Variants in FOXO3 observed in about 807,000 individuals in gnomAD.
FOXO3 encodes forkhead box protein O3.
In FOXO3, 4 loss-of-function variants were observed where a neutral mutation model predicts 41.9. The observed-to-expected ratio is 0.10, with a 90% confidence interval of 0.05 to 0.22. The LOEUF is 0.22. Among genes scored for constraint, FOXO3 ranks in the 10% least tolerant of loss-of-function variants. The probability of loss-of-function intolerance (pLI) is 1.00; values close to 1 mark genes in which losing one functional copy is unlikely to be tolerated. For synonymous variants in FOXO3, 318 were observed against 389.3 expected (o/e 0.82, Z 2.16); for missense variants, 534 against 906.8 (o/e 0.59, Z 5.28).
intron 1 of FOXO3, among the ~76,000 whole-genome samples, chr6:108,653,744 A>G (rs1778610082): frequency 6.6e-6 from 1 of 152,208 alleles, no homozygotes; most frequent in Admixed American, 6.5e-5. Context: ...TTCGATTTCC[A>G]CACACAGTAA....
At chr6:108,673,599 G>A (rs1770443660) in intron 2 of FOXO3, among the ~76,000 whole-genome samples, 1 of 152,208 alleles carries the variant, frequency 6.6e-6, no homozygotes, top group South Asian at 2.1e-4. Context: ...TCAGAATCCT[G>A]TGTATCTAAA....
At chr6:108,657,992 G>A (rs921627943) in intron 1 of FOXO3, among the ~76,000 whole-genome samples, 20 of 152,186 alleles carry the variant, frequency 1.3e-4, no homozygotes, top group Admixed American at 1.3e-3. Flanking sequence ...CTCTGGGCCT[G>A]GGGGAGTTGG....
At chr6:108,637,950 C>T (rs780469187) in intron 1 of FOXO3, among the ~76,000 whole-genome samples, 21 of 151,828 alleles carry the variant, frequency 1.4e-4, no homozygotes, top group Non-Finnish European at 2.8e-4. Flanking sequence ...ATCAGTAGAA[C>T]AGGAAAGAAA....
At chr6:108,636,206 G>A (rs1246932754) in intron 1 of FOXO3, among the ~76,000 whole-genome samples, 1 of 152,226 alleles carries the variant, frequency 6.6e-6, no homozygotes, top group East Asian at 1.9e-4. Context: ...CCAGGTCCCA[G>A]TCTGTGTGTT....
chr6:108,631,330 C>G (rs1446706825), intron 1 of FOXO3, among the ~76,000 whole-genome samples: 1 of 152,140 alleles, frequency 6.6e-6, no homozygotes, highest in Non-Finnish European at 1.5e-5. Flanking sequence ...GGTCTGTGTT[C>G]TGGATGATTT....
At chr6:108,655,339 C>T (rs1444329355) in intron 1 of FOXO3, among the ~76,000 whole-genome samples, 2 of 152,120 alleles carry the variant, frequency 1.3e-5, no homozygotes, top group African/African-American at 4.8e-5. Context: ...CAGCTTTAAT[C>T]TCTCATCCCA....
At chr6:108,560,657 G>A (rs1043870697), upstream of FOXO3, among the ~76,000 whole-genome samples, 6 of 152,092 alleles carry the variant, frequency 3.9e-5, no homozygotes, top group African/African-American at 7.2e-5. Context: ...CGCCGCGGGA[G>A]GCACTAGAGC....
intron 1 of FOXO3, among the ~76,000 whole-genome samples, chr6:108,629,462 G>A (rs554708203): frequency 6.6e-6 from 1 of 152,200 alleles, no homozygotes; most frequent in African/African-American, 2.4e-5. Flanking sequence ...TCAGTTTAGC[G>A]GGAGGTTTTT....
intron 1 of FOXO3, among the ~76,000 whole-genome samples, chr6:108,597,043 A>G (rs1776905735): frequency 6.6e-6 from 1 of 152,212 alleles, no homozygotes; most frequent in African/African-American, 2.4e-5. Context: ...AGAAAATCCC[A>G]AAGGACTGGA....
chr6:108,639,895 TTC>T (rs1778212750), intron 1 of FOXO3, among the ~76,000 whole-genome samples: 2 of 152,090 alleles, frequency 1.3e-5, no homozygotes, highest in Admixed American at 1.3e-4. Flanking sequence ...TACTGTGAGG[TTC>T]AGAAAGAACA....
At chr6:108,589,253 T>A (rs968054782) in intron 1 of FOXO3, among the ~76,000 whole-genome samples, 2 of 152,224 alleles carry the variant, frequency 1.3e-5, no homozygotes, top group Non-Finnish European at 2.9e-5. Context: ...GCCTTTATAA[T>A]TTTTCCTGGG....
chr6:108,578,846 A>C (rs1776332619), intron 1 of FOXO3, among the ~76,000 whole-genome samples: 1 of 152,144 alleles, frequency 6.6e-6, no homozygotes, highest in African/African-American at 2.4e-5. Flanking sequence ...ATGAAGTCAG[A>C]GGTAAGGCGG....
chr6:108,647,485 T>C (rs2128381322), intron 1 of FOXO3, among the ~76,000 whole-genome samples: 1 of 152,310 alleles, frequency 6.6e-6, no homozygotes, highest in Non-Finnish European at 1.5e-5. Context: ...AATTTTCTGA[T>C]TGATGTAGGG....
chr6:108,644,463 C>T (rs1380230426), intron 1 of FOXO3, among the ~76,000 whole-genome samples: 1 of 152,172 alleles, frequency 6.6e-6, no homozygotes, highest in Admixed American at 6.5e-5. Flanking sequence ...GTTGCCAAAG[C>T]TCATGGACAC....
chr6:108,566,007 C>T (rs1299793769), intron 1 of FOXO3, among the ~76,000 whole-genome samples: 2 of 152,094 alleles, frequency 1.3e-5, no homozygotes, highest in Non-Finnish European at 2.9e-5. Context: ...GCCCGTGTTG[C>T]CAAAATGTCG....
intron 1 of FOXO3, among the ~76,000 whole-genome samples, chr6:108,658,633 G>A (rs1459986981): frequency 2.7e-5 from 4 of 150,782 alleles, no homozygotes; most frequent in Non-Finnish European, 4.4e-5. Flanking sequence ...ACGTTGGCCA[G>A]CGTGGTCTCA....
Position 108,681,600 on chromosome 6 carries a change from C to T in FOXO3, c.*1808C>T, listed in dbSNP as rs1349885625. 5 of 151,414 alleles carry T rather than the reference C, an allele frequency of 3.3e-5. No homozygotes were observed. Among genetic ancestry groups the T allele is most frequent in the Admixed American group, 2.6e-4 (4 of 15,154 alleles). 9.4% of individuals were successfully genotyped at this position (151,414 alleles called of 1,614,324 possible). On this transcript the variant is annotated 3_prime_UTR_variant, in exon 3 of 3. Transcript: ENST00000406360. ...TGGTATTGTCACACGTCTCCTGCCT[C>T]GCTTGGGTTGCCATGTTTGAGCGAT...
At position 108,561,030 on chromosome 6, in the gene FOXO3, G is replaced by C. The variant is rs959005245; in HGVS notation, c.-179G>C. 19 of 1,384,570 alleles carry C rather than the reference G, an allele frequency of 1.4e-5. No individual in the cohort carries two copies. The highest frequency in any genetic ancestry group is 1.7e-5 in the South Asian group (1 of 60,110). 85.8% of individuals were successfully genotyped at this position (1,384,570 alleles called of 1,614,324 possible). A position where few individuals can be genotyped will look rare whatever the true frequency, so the allele number is the denominator to read the frequency against. ...CAGCGGGCGAGGACTCGCCGAGGAC[G>C]GGGCTCCGGCCCGGGATAACCAACT... On this transcript the variant is annotated 5_prime_UTR_variant, in exon 1 of 3. Transcript: ENST00000406360.
intron 1 of FOXO3, among the ~76,000 whole-genome samples, chr6:108,655,481 G>C (rs1480447307): frequency 6.6e-6 from 1 of 152,122 alleles, no homozygotes; most frequent in African/African-American, 2.4e-5. Flanking sequence ...ATATAAGGAG[G>C]AAAGACCATT....
Sources: allele counts gnomAD v4.1 joint callset (sites outside exome capture counted in the v4.1 genomes callset), GRCh38; gene constraint gnomAD v4.1.1; transcripts MANE v1.5; gene names NCBI Gene and HGNC (gene_info 2026-07-23, HGNC 2026-07-21).